The following FAM234B variants were observed in gnomAD, a reference collection of about 807,000 sequenced individuals.
FAM234B encodes the protein protein FAM234B.
Under a neutral mutation model 69.3 loss-of-function variants are expected in FAM234B, and 33 were observed. The observed-to-expected ratio is 0.48, with a 90% CI of 0.36 to 0.64. The LOEUF (loss-of-function observed/expected upper bound fraction) is 0.64, where lower values mean the gene tolerates loss of function less well. Among genes scored for constraint, FAM234B ranks in the 30% least tolerant of loss-of-function variants. FAM234B has a pLI of 0.00. For missense variants in FAM234B, 697 were observed against 769.7 expected, an observed-to-expected ratio of 0.91 and a Z score of 1.12; for synonymous variants, 306 against 306.9, an observed-to-expected ratio of 1.00 and a Z score of 0.03.
intron 1 of FAM234B, among the ~76,000 whole-genome samples, chr12:13,046,450 GT>G (rs200997801): frequency 6.6e-6 from 1 of 151,556 alleles, no homozygotes; most frequent in Non-Finnish European, 1.5e-5. Context: ...TTCTTTGTTT[GT>G]TTTTTTGTTT....
rs754421406 is a variant in FAM234B at position 13,071,359 on chromosome 12, T to A, written c.1487T>A (p.Phe496Tyr). ...TCAGACCAGAAGTCTGTCTTCCTCTTCTGGGCCGAAGGGCTGTCAGCTGCA... is the reference window on the plus strand; with the variant it reads ...TCAGACCAGAAGTCTGTCTTCCTCTACTGGGCCGAAGGGCTGTCAGCTGCA... ...VTSDQKSVFL[F>Y]WAEGLSAASP... The change falls in exon 10 of 13, where the codon TTC becomes TAC. Residue 496 changes from phenylalanine (F) to tyrosine (Y), a missense_variant. Around this residue, in one of 3 missense-constraint regions of FAM234B, gnomAD observed 313 missense variants for 305.5 expected, o/e 1.02. Coordinates refer to ENST00000197268, the MANE Select transcript of FAM234B (RefSeq NM_020853.2). 12 of 1,614,168 alleles carry A rather than the reference T, an allele frequency of 7.4e-6. No individual in the cohort carries two copies. The Admixed American group carries it at 2.0e-4, about 27-fold the overall frequency.
chr12:13,046,077 A>T (rs1864807725), intron 1 of FAM234B, among the ~76,000 whole-genome samples: 1 of 152,094 alleles, frequency 6.6e-6, no homozygotes, highest in Non-Finnish European at 1.5e-5. Context: ...GGTATGCTTG[A>T]TGCTTTTTTA....
At chr12:13,055,012 A>T (rs542029918) in intron 1 of FAM234B, among the ~76,000 whole-genome samples, 321 of 152,338 alleles carry the variant, frequency 2.1e-3, no homozygotes, top group African/African-American at 7.5e-3. Context: ...ATTTCAATAC[A>T]TCTTCAGATG....
chr12:13,053,489 G>A (rs1046386995), intron 1 of FAM234B, among the ~76,000 whole-genome samples: 7 of 152,018 alleles, frequency 4.6e-5, no homozygotes, highest in African/African-American at 1.7e-4. Flanking sequence ...GGCCTCTGGG[G>A]GTAACATCAC....
intron 3 of FAM234B, among the ~76,000 whole-genome samples, chr12:13,059,135 GGAGGGGAGTAAGAGTGT>G (rs1864960408): frequency 2.0e-5 from 3 of 152,294 alleles, no homozygotes; most frequent in Admixed American, 2.0e-4. Flanking sequence ...CTCAGGAATG[GGAGGGGAGTAAGAGTGT>G]GAGGGGAGGT....
In FAM234B at chr12:13,083,273, T is replaced by C. The variant is rs1865262210; in HGVS notation, c.*2643T>C. The C allele has an allele frequency of 6.6e-6, 1 of 152,546 alleles. No homozygotes were observed. The highest frequency in any genetic ancestry group is 1.9e-4 in the East Asian group (1 of 5,180). The allele number at this position is 152,546 out of a possible 1,614,324, so 9.4% of individuals were successfully genotyped here. A position where few individuals can be genotyped will look rare whatever the true frequency, so the allele number is the denominator to read the frequency against. On this transcript the variant is annotated 3_prime_UTR_variant, in exon 13 of 13. Coordinates refer to ENST00000197268, the MANE Select transcript of FAM234B (RefSeq NM_020853.2). ...CCTCTTTCCCTTAAACACCCTCCCT[T>C]TTCCTTAGACCCCGTTTTTGCCATC...
In FAM234B at chr12:13,068,392, C is replaced by CT. The variant is rs1224785243; in HGVS notation, c.1233dup (p.Arg412SerfsTer27). 1 of 1,614,176 alleles carries CT rather than the reference C, an allele frequency of 6.2e-7. No individual in the cohort carries two copies. The highest frequency in any genetic ancestry group is 8.5e-7 in the Non-Finnish European group (1 of 1,180,032). ...TACAACCAGACAAAGCCTTGTGCTG[C>CT]TTCGGGGGCAAAATCTGACACCTTA... On this transcript the variant is annotated frameshift_variant, in exon 8 of 13. Transcript: ENST00000197268. LOFTEE classifies it high-confidence loss of function.
Position 13,066,745 on chromosome 12 carries a change from T to C in FAM234B, c.958T>C (p.Tyr320His). Residue 320 changes from tyrosine to histidine, a missense_variant, in exon 6 of 13, where the codon TAC becomes CAC. Physicochemically the swap from Tyr to His is moderately conservative, Grantham distance 83. This residue lies in a region of FAM234B where 380 missense variants were observed against 447.1 expected (regional missense o/e 0.85). Coordinates refer to ENST00000197268, the MANE Select transcript of FAM234B (RefSeq NM_020853.2). ...GVGNLIGPQV[Y>H]ITTNGAVYIL... Reference sequence around the variant, plus strand: ...TGGGAATCTGATTGGTCCTCAGGTTTACATCACCACAAATGGGGCTGTCTA... The same window carrying C: ...TGGGAATCTGATTGGTCCTCAGGTTCACATCACCACAAATGGGGCTGTCTA... 1.2e-6 allele frequency: 2 copies of C among 1,614,066 alleles called. No homozygotes were observed. The highest frequency in any genetic ancestry group is 1.7e-6 in the Non-Finnish European group (2 of 1,179,976).
chr12:13,071,423 T>C, intron 10 of FAM234B, 27 bp downstream of exon 10: 1 of 1,609,294 alleles, frequency 6.2e-7, no homozygotes, highest in Non-Finnish European at 8.5e-7. Context: ...GGGTCCCTTT[T>C]TTACTTTGTC....
intron 11 of FAM234B, among the ~76,000 whole-genome samples, chr12:13,078,387 G>C (rs568513014): frequency 6.6e-6 from 1 of 152,144 alleles, no homozygotes; most frequent in East Asian, 1.9e-4. Context: ...TCTTTCTAGG[G>C]TTTTTATGGT....
intron 2 of FAM234B, among the ~76,000 whole-genome samples, chr12:13,058,114 G>A (rs904422833): frequency 6.6e-6 from 1 of 152,276 alleles, no homozygotes; most frequent in East Asian, 1.9e-4. Flanking sequence ...GTCTGTATCT[G>A]TGGTGTTTCT....
intron 1 of FAM234B, among the ~76,000 whole-genome samples, chr12:13,051,489 C>G (rs551305025): frequency 6.6e-6 from 1 of 152,268 alleles, no homozygotes; most frequent in Admixed American, 6.5e-5. Context: ...GTTCAAAATG[C>G]TTGGAAGTTT....
chr12:13,076,036 T>C lies in FAM234B; in HGVS notation c.1535T>C (p.Leu512Pro). ...SAASPNSDIILGTEPPSLHHL... is the reference protein window; with the variant it reads ...SAASPNSDIIPGTEPPSLHHL... ...GCTGCTTATTATCAGGATATCATCC[T>C]AGGAACTGAGCCGCCCAGCCTTCAC... Residue 512 changes from leucine to proline, a missense_variant, in exon 11 of 13, where the codon CTA becomes CCA. By Grantham distance (98) the Leu-to-Pro change is moderately conservative (BLOSUM62 -3). Around this residue, in one of 3 missense-constraint regions of FAM234B, gnomAD observed 313 missense variants for 305.5 expected, o/e 1.02. Transcript: ENST00000197268. The C allele has an allele frequency of 1.2e-6, 2 of 1,613,526 alleles. No individual in the cohort carries two copies. Among genetic ancestry groups the C allele is most frequent in the Non-Finnish European group, 1.7e-6 (2 of 1,179,454 alleles).
At chr12:13,059,915 A>G (rs1396150166) in intron 3 of FAM234B, among the ~76,000 whole-genome samples, 1 of 152,260 alleles carries the variant, frequency 6.6e-6, no homozygotes, top group East Asian at 1.9e-4. Context: ...CAAGACTCAT[A>G]ATGGCAAGGC....
chr12:13,048,981 C>T (rs1196194119), intron 1 of FAM234B, among the ~76,000 whole-genome samples: 3 of 152,152 alleles, frequency 2.0e-5, no homozygotes, highest in Admixed American at 2.0e-4. Context: ...AAACTGCCCC[C>T]ATGATTCAGT....
In FAM234B at chr12:13,068,812, A is replaced by G. The variant is rs537590928; in HGVS notation, c.1368+101A>G. ...GCAGGGAATAAAAAGAACCTAAAAT[A>G]TGATCTCTAACTTCAAAGAACTCAA... On this transcript the variant is annotated intron_variant, in intron 9 of 12. Coordinates refer to ENST00000197268, the MANE Select transcript of FAM234B (RefSeq NM_020853.2). 1.1e-4 allele frequency: 77 copies of G among 723,140 alleles called. No individual in the cohort carries two copies. In the South Asian group the frequency reaches 1.5e-3, roughly 14 times the overall value. The allele number at this position is 723,140 out of a possible 1,614,324, so 44.8% of individuals were successfully genotyped here.
chr12:13,059,980 A>G (rs916819508), intron 3 of FAM234B, among the ~76,000 whole-genome samples: 1 of 152,246 alleles, frequency 6.6e-6, no homozygotes, highest in Non-Finnish European at 1.5e-5. Flanking sequence ...CTGTACAAAT[A>G]AGGATATAGC....
At chr12:13,046,790 A>C (rs1290100646) in intron 1 of FAM234B, among the ~76,000 whole-genome samples, 1 of 152,210 alleles carries the variant, frequency 6.6e-6, no homozygotes, top group Non-Finnish European at 1.5e-5. Context: ...TGTGTGAGGA[A>C]GTCAGGTTGG....
chr12:13,051,786 A>G (rs1864879423), intron 1 of FAM234B, among the ~76,000 whole-genome samples: 2 of 152,170 alleles, frequency 1.3e-5, no homozygotes, highest in Non-Finnish European at 1.5e-5. Flanking sequence ...GTTGGAGCTG[A>G]GAAGAGTGGG....
Sources: gnomAD v4.1 joint callset for allele counts (sites outside exome capture counted in the v4.1 genomes callset) on GRCh38, gnomAD v4.1.1 for gene constraint, gnomAD v4.1.1 regional missense constraint, MANE v1.5 for transcripts, NCBI Gene and HGNC (gene_info 2026-07-23, HGNC 2026-07-21) for gene names.